Variants in TEX29 observed in about 807,000 individuals in gnomAD.
TEX29 encodes testis-expressed protein 29.
In TEX29, 26 loss-of-function variants were observed where a neutral mutation model predicts 18.2. That is an observed-to-expected ratio of 1.43 (90% CI 1.04 to 1.98). The LOEUF (loss-of-function observed/expected upper bound fraction) is 1.98, where lower values mean the gene tolerates loss of function less well. Among genes scored for constraint, TEX29 ranks in the 30% most tolerant of loss-of-function variants. The probability of loss-of-function intolerance (pLI) is 0.00; values close to 1 mark genes in which losing one functional copy is unlikely to be tolerated. For missense variants in TEX29, 177 were observed against 194.2 expected, an observed-to-expected ratio of 0.91 and a Z score of 0.53; for synonymous variants, 83 against 78.5, an observed-to-expected ratio of 1.06 and a Z score of -0.31.
chr13:111,336,460 A>G (rs1200597158), intron 3 of TEX29, among the ~76,000 whole-genome samples: 3 of 152,262 alleles, frequency 2.0e-5, no homozygotes. Flanking sequence ...TTTGAAGTGC[A>G]CATTGTGTTA....
chr13:111,317,554 A>G (rs2093656605), upstream of TEX29, among the ~76,000 whole-genome samples: 1 of 152,148 alleles, frequency 6.6e-6, no homozygotes, highest in Non-Finnish European at 1.5e-5. Flanking sequence ...TTGCTTTCTA[A>G]TGGGAATACT....
intron 3 of TEX29, among the ~76,000 whole-genome samples, chr13:111,329,558 A>G (rs966105746): frequency 6.6e-6 from 1 of 151,636 alleles, no homozygotes; most frequent in Non-Finnish European, 1.5e-5. Flanking sequence ...ACTGATGGAA[A>G]TTTCCAAGTA....
intron 2 of TEX29, among the ~76,000 whole-genome samples, chr13:111,327,680 C>T (rs148718984): frequency 8.7e-4 from 133 of 152,334 alleles, no homozygotes; most frequent in African/African-American, 2.5e-3. Context: ...TTACCTCCCA[C>T]GGCGCGCCGC....
chr13:111,321,517 G>A (rs1246955602), intron 2 of TEX29, among the ~76,000 whole-genome samples: 1 of 152,192 alleles, frequency 6.6e-6, no homozygotes, highest in Non-Finnish European at 1.5e-5. Context: ...CCCCCGGGAG[G>A]CAGGAGATGC....
At chr13:111,336,887 G>C (rs1198935205) in intron 3 of TEX29, among the ~76,000 whole-genome samples, 1 of 152,178 alleles carries the variant, frequency 6.6e-6, no homozygotes, top group Non-Finnish European at 1.5e-5. Context: ...CAAAGAACGT[G>C]AGCACGTAGG....
At chr13:111,317,383 T>C (rs1195056372), upstream of TEX29, among the ~76,000 whole-genome samples, 3 of 152,044 alleles carry the variant, frequency 2.0e-5, no homozygotes, top group Non-Finnish European at 4.4e-5. Context: ...CAGCAGCATG[T>C]AGGGAATGCA....
intron 3 of TEX29, among the ~76,000 whole-genome samples, chr13:111,336,930 T>A (rs1595691547): frequency 6.6e-6 from 1 of 152,232 alleles, no homozygotes; most frequent in Non-Finnish European, 1.5e-5. Context: ...GGTGAAATAC[T>A]AAGACGCTGA....
chr13:111,333,205 C>G (rs74126342), intron 3 of TEX29, among the ~76,000 whole-genome samples: 214 of 150,120 alleles, frequency 1.4e-3, no homozygotes, highest in African/African-American at 4.9e-3. Flanking sequence ...GTGGATCTCT[C>G]TGAGTTTATC....
chr13:111,338,743 C>G (rs9555791), intron 3 of TEX29, among the ~76,000 whole-genome samples: 45,267 of 152,072 alleles, frequency 0.3, 7,664 homozygotes, highest in East Asian at 0.78. Context: ...AAGAATTACT[C>G]TGTATATGTG....
chr13:111,318,288 G>A (rs886146278), upstream of TEX29, among the ~76,000 whole-genome samples: 3 of 152,182 alleles, frequency 2.0e-5, no homozygotes, highest in Admixed American at 6.5e-5. Context: ...GAACCCCACG[G>A]CAGCTCCACA....
At chr13:111,331,244 G>T (rs2093682194) in intron 3 of TEX29, among the ~76,000 whole-genome samples, 1 of 151,186 alleles carries the variant, frequency 6.6e-6, no homozygotes, top group Non-Finnish European at 1.5e-5. Context: ...CATTGTAATG[G>T]GTGTGAAGTT....
chr13:111,339,435 G>A (rs977806961), intron 3 of TEX29: 10 of 438,114 alleles, frequency 2.3e-5, no homozygotes, highest in African/African-American at 8.1e-5. Context: ...ACACACTCCC[G>A]AGGGTCAGGA....
At chr13:111,323,701 A>C (rs1466131743) in intron 2 of TEX29, among the ~76,000 whole-genome samples, 7 of 151,496 alleles carry the variant, frequency 4.6e-5, no homozygotes, top group Middle Eastern at 3.5e-3. Flanking sequence ...CAGGAAGGCC[A>C]CACACATGAG....
chr13:111,339,961 G>C, intron 4 of TEX29, 29 bp downstream of exon 4: 1 of 1,584,494 alleles, frequency 6.3e-7, no homozygotes, highest in South Asian at 1.1e-5. Flanking sequence ...TACTGGGAGG[G>C]TGGGGAGGAG....
chr13:111,319,730 C>T (rs573864346), upstream of TEX29, among the ~76,000 whole-genome samples: 19 of 152,278 alleles, frequency 1.2e-4, no homozygotes, highest in East Asian at 2.5e-3. Flanking sequence ...CAGTCTCAAG[C>T]GATCCTCCCG....
chr13:111,329,796 G>A (rs1017317967), intron 3 of TEX29, among the ~76,000 whole-genome samples: 15 of 152,078 alleles, frequency 9.9e-5, no homozygotes, highest in Admixed American at 2.0e-4. Context: ...AGTGGCTGTC[G>A]CAAGCCACAG....
At chr13:111,330,335 C>T (rs2093680796) in intron 3 of TEX29, among the ~76,000 whole-genome samples, 4 of 152,128 alleles carry the variant, frequency 2.6e-5, no homozygotes, top group Admixed American at 2.0e-4. Flanking sequence ...GAGGATTTGG[C>T]ACCTCATCAA....
chr13:111,341,862 G>C (rs2093696981), intron 4 of TEX29, among the ~76,000 whole-genome samples: 4 of 152,346 alleles, frequency 2.6e-5, no homozygotes, highest in Admixed American at 2.0e-4. Context: ...TGAACTTACT[G>C]TCCCCGGACT....
At chr13:111,340,027 G>T in intron 4 of TEX29, 95 bp downstream of exon 4, 1 of 1,205,284 alleles carries the variant, frequency 8.3e-7, no homozygotes, top group Non-Finnish European at 1.2e-6. Context: ...TTCGGGCTTG[G>T]TGCTGCTGGG....
Sources: gnomAD v4.1 joint callset for allele counts (sites outside exome capture counted in the v4.1 genomes callset) on GRCh38, gnomAD v4.1.1 for gene constraint, MANE v1.5 for transcripts, NCBI Gene and HGNC (gene_info 2026-07-23, HGNC 2026-07-21) for gene names.